EIF3H: variants seen among roughly 807,000 people sequenced by gnomAD.
EIF3H encodes the protein eIF-3-gamma.
EIF3H carries 26 observed loss-of-function variants against 44.2 expected under a neutral mutation model. The observed-to-expected ratio is 0.59, with a 90% CI of 0.43 to 0.82. The LOEUF (loss-of-function observed/expected upper bound fraction) is 0.82, where lower values mean the gene tolerates loss of function less well. EIF3H is among the 40% of genes least tolerant of loss of function. The pLI, the probability that EIF3H is intolerant of heterozygous loss-of-function variation, is 0.00. For missense variants in EIF3H, 359 were observed against 432.8 expected, an observed-to-expected ratio of 0.83 and a Z score of 1.51; for synonymous variants, 166 against 151.9, an observed-to-expected ratio of 1.09 and a Z score of -0.68.
intron 2 of EIF3H, among the ~76,000 whole-genome samples, chr8:116,715,432 T>C (rs139292524): frequency 0.01 from 1,553 of 152,196 alleles, 27 homozygotes; most frequent in African/African-American, 0.035. Flanking sequence ...ACATGAATAC[T>C]GTCTGAGTAA....
At chr8:116,668,080 A>T (rs4876670) in intron 2 of EIF3H, among the ~76,000 whole-genome samples, 151,945 of 152,352 alleles carry the variant, frequency 1, 75,792 homozygotes, top group Non-Finnish European at 1. Flanking sequence ...AGAGGATTTG[A>T]GCCGTCAATT....
exon 1 of EIF3H, chr8:116,766,058 G>A (rs1168662983): frequency 6.6e-6 from 1 of 152,234 alleles, no homozygotes; most frequent in Admixed American, 6.5e-5. Context: ...TTCTTTATGG[G>A]AAAGCAGCCA....
chr8:116,703,914 A>C (rs1198954573), intron 2 of EIF3H, among the ~76,000 whole-genome samples: 1 of 152,152 alleles, frequency 6.6e-6, no homozygotes, highest in Non-Finnish European at 1.5e-5. Flanking sequence ...GTAGGGCTGG[A>C]CCCTACATTA....
At chr8:116,728,065 A>C (rs546751435) in intron 1 of EIF3H, among the ~76,000 whole-genome samples, 2 of 152,290 alleles carry the variant, frequency 1.3e-5, no homozygotes, top group South Asian at 4.1e-4. Context: ...GGCTTTTTAG[A>C]TTTTCAGTAT....
chr8:116,672,330 TAA>T (rs1420561843), intron 2 of EIF3H, among the ~76,000 whole-genome samples: 1 of 152,082 alleles, frequency 6.6e-6, no homozygotes, highest in Non-Finnish European at 1.5e-5. Context: ...AAAATAAAAA[TAA>T]GACTCAAAAC....
chr8:116,717,130 T>C (rs1238013820), intron 2 of EIF3H, among the ~76,000 whole-genome samples: 5 of 152,200 alleles, frequency 3.3e-5, no homozygotes, highest in African/African-American at 4.8e-5. Context: ...TATCTAAGTT[T>C]AATAAAAATC....
intron 1 of EIF3H, among the ~76,000 whole-genome samples, chr8:116,736,816 A>AT (rs1253182791): frequency 1.3e-5 from 2 of 152,220 alleles, no homozygotes; most frequent in East Asian, 3.8e-4. Context: ...AGATGCTATA[A>AT]TACCCAAAGA....
At chr8:116,725,879 C>T in intron 2 of EIF3H, 137 bp downstream of exon 2, 1 of 1,028,234 alleles carries the variant, frequency 9.7e-7, no homozygotes, top group Non-Finnish European at 1.4e-6. Flanking sequence ...TATAATTTTC[C>T]CAAAGTATCA....
At chr8:116,727,968 G>A (rs1814879582) in intron 1 of EIF3H, among the ~76,000 whole-genome samples, 1 of 152,066 alleles carries the variant, frequency 6.6e-6, no homozygotes, top group Non-Finnish European at 1.5e-5. Flanking sequence ...TGAAGATACT[G>A]GTACTTGATA....
chr8:116,655,801 A>C, intron 5 of EIF3H, 55 bp downstream of exon 5: 1 of 1,579,876 alleles, frequency 6.3e-7, no homozygotes, highest in South Asian at 1.1e-5. Flanking sequence ...TATGTGAAAG[A>C]ATCTTTTGCA....
chr8:116,750,314 T>C (rs1249601211), intron 1 of EIF3H, among the ~76,000 whole-genome samples: 1 of 13,520 alleles, frequency 7.4e-5, no homozygotes, highest in Non-Finnish European at 2.0e-4. Flanking sequence ...AAGAGAACAA[T>C]TTCAAAGAGA....
At chr8:116,720,727 G>C (rs920567927) in intron 2 of EIF3H, among the ~76,000 whole-genome samples, 6 of 152,136 alleles carry the variant, frequency 3.9e-5, no homozygotes, top group Non-Finnish European at 7.4e-5. Flanking sequence ...AGGCTGAGGT[G>C]ATCTCAGAGG....
chr8:116,696,709 T>G (rs901636480), intron 2 of EIF3H, among the ~76,000 whole-genome samples: 4 of 152,322 alleles, frequency 2.6e-5, no homozygotes, highest in African/African-American at 7.2e-5. Flanking sequence ...GGTTTTTTTT[T>G]GTTGTTGTTA....
intron 1 of EIF3H, among the ~76,000 whole-genome samples, chr8:116,727,523 T>C (rs1005866986): frequency 2.0e-5 from 3 of 152,230 alleles, no homozygotes; most frequent in Non-Finnish European, 2.9e-5. Context: ...TCCCATCTTG[T>C]ACAACCCAGA....
chr8:116,744,914 A>C (rs1331940139), intron 1 of EIF3H, among the ~76,000 whole-genome samples: 1 of 152,208 alleles, frequency 6.6e-6, no homozygotes, highest in Non-Finnish European at 1.5e-5. Flanking sequence ...TGCTTTGTAG[A>C]GGCTTTTTTC....
intron 2 of EIF3H, chr8:116,697,248 T>C (rs1209066531): frequency 2.2e-6 from 1 of 449,680 alleles, no homozygotes; most frequent in South Asian, 1.6e-5. Context: ...CTAGATGAAA[T>C]CAGAAGAAAC....
At chr8:116,651,292 G>A (rs1473028075) in intron 5 of EIF3H, among the ~76,000 whole-genome samples, 3 of 152,294 alleles carry the variant, frequency 2.0e-5, no homozygotes, top group African/African-American at 4.8e-5. Flanking sequence ...GGCAGAGCAG[G>A]CAATCTTTAT....
chr8:116,695,727 A>AT (rs922700725), intron 2 of EIF3H, among the ~76,000 whole-genome samples: 2 of 152,130 alleles, frequency 1.3e-5, no homozygotes, highest in African/African-American at 4.8e-5. Context: ...CCCAAGTGGG[A>AT]TGGTATGTGG....
At chr8:116,697,612 AC>A (rs1244778331) in intron 2 of EIF3H, among the ~76,000 whole-genome samples, 8 of 152,196 alleles carry the variant, frequency 5.3e-5, no homozygotes, top group South Asian at 2.1e-4. Flanking sequence ...ATTTATGTTT[AC>A]CCCCCTTACC....
Sources: allele counts gnomAD v4.1 joint callset (sites outside exome capture counted in the v4.1 genomes callset), GRCh38; gene constraint gnomAD v4.1.1; transcripts MANE v1.5; gene names NCBI Gene and HGNC (gene_info 2026-07-23, HGNC 2026-07-21).